PCDHGB2: variants seen among roughly 807,000 people sequenced by gnomAD.
PCDHGB2 encodes protocadherin gamma-B2.
PCDHGB2 carries 55 observed loss-of-function variants against 59.3 expected under a neutral mutation model. The ratio of observed to expected loss-of-function variants is 0.93; its 90% confidence interval spans 0.75 to 1.16. The LOEUF (loss-of-function observed/expected upper bound fraction) is 1.16. PCDHGB2 is among the 50% of genes most tolerant of loss of function. The probability of loss-of-function intolerance (pLI) is 0.00; values close to 1 mark genes in which losing one functional copy is unlikely to be tolerated. For missense variants in PCDHGB2, 1,228 were observed against 1,198.5 expected (o/e 1.02, Z -0.36); for synonymous variants, 516 against 512.0 (o/e 1.01, Z -0.11).
At chr5:141,395,140 C>T in intron 1 of PCDHGB2, 1 of 1,614,212 alleles carries the variant, frequency 6.2e-7, no homozygotes, top group Non-Finnish European at 8.5e-7. Flanking sequence ...CCCAACTACG[C>T]AGACATGCTC....
In PCDHGB2 at chr5:141,432,038, C is replaced by T. The variant is rs202246871; in HGVS notation, c.2422-62769C>T. ...CAACATCACAGTGACCGCCACTGAC[C>T]GGGGAACCCCGCCCCTATCCACGGA... On this transcript the variant is annotated intron_variant, in intron 1 of 3. Coordinates refer to ENST00000522605, the MANE Select transcript of PCDHGB2 (RefSeq NM_018923.3). The surrounding 1 kb of genome is among the most constrained non-coding windows in gnomAD (Gnocchi z 6.0). 15 of 1,614,190 alleles carry T rather than the reference C, an allele frequency of 9.3e-6. No individual in the cohort carries two copies. The African/African-American group carries it at 1.5e-4, about 16-fold the overall frequency.
Position 141,485,072 on chromosome 5 carries a change from G to C in PCDHGB2, c.2422-9735G>C. 1.1e-6 allele frequency: 1 copy of C among 917,012 alleles called. No individual in the cohort carries two copies. The highest frequency in any genetic ancestry group is 1.7e-6 in the Non-Finnish European group (1 of 587,880). 56.8% of individuals were successfully genotyped at this position (917,012 alleles called of 1,614,324 possible). On this transcript the variant is annotated intron_variant, in intron 1 of 3. Coordinates refer to ENST00000522605, the MANE Select transcript of PCDHGB2 (RefSeq NM_018923.3). The surrounding 1 kb of genome is among the most constrained non-coding windows in gnomAD (Gnocchi z 5.7). ...CCGGCCGAACCGCGCCAGAGCTGGCGCGGGGAAAGGGAGATAGGTGTCTCC... is the reference window on the plus strand; with the variant it reads ...CCGGCCGAACCGCGCCAGAGCTGGCCCGGGGAAAGGGAGATAGGTGTCTCC...
At chr5:141,428,333 T>A in intron 1 of PCDHGB2, 1 of 618,518 alleles carries the variant, frequency 1.6e-6, no homozygotes, top group Non-Finnish European at 2.9e-6. Context: ...ATTTCTATGC[T>A]CTTCTTCCTC....
chr5:141,389,449 A>T lies in PCDHGB2; in HGVS notation c.2421+26893A>T, dbSNP rs771507101. The stretch of plus-strand genomic sequence containing the variant: ...GCGCAGCGCGCCTTCGACCACGAGC[A>T]GCTGCGCGCCTTCGAACTCACACTG... On this transcript the variant is annotated intron_variant, in intron 1 of 3. Coordinates refer to ENST00000522605, the MANE Select transcript of PCDHGB2 (RefSeq NM_018923.3). 17 of 1,610,420 alleles carry T rather than the reference A, an allele frequency of 1.1e-5. No individual in the cohort carries two copies. In the African/African-American group the frequency reaches 2.3e-4, roughly 22 times the overall value.
At chr5:141,423,660 G>A (rs765304048) in intron 1 of PCDHGB2, 1 of 1,560,482 alleles carries the variant, frequency 6.4e-7, no homozygotes, top group Admixed American at 1.9e-5. Flanking sequence ...CAAGTAATCA[G>A]GTGAGATTTA....
At chr5:141,406,682 ATTC>A (rs1390945950) in intron 1 of PCDHGB2, among the ~76,000 whole-genome samples, 1 of 152,216 alleles carries the variant, frequency 6.6e-6, no homozygotes, top group Non-Finnish European at 1.5e-5. Flanking sequence ...ATAGTAGGAC[ATTC>A]TTCTTTTCTA....
intron 1 of PCDHGB2, among the ~76,000 whole-genome samples, chr5:141,462,783 T>C (rs1313584666): frequency 6.6e-6 from 1 of 152,236 alleles, no homozygotes; most frequent in Non-Finnish European, 1.5e-5. Flanking sequence ...CATAATTTGT[T>C]GCTTATTTGC....
chr5:141,405,758 G>A (rs533667979), intron 1 of PCDHGB2, among the ~76,000 whole-genome samples: 8 of 152,246 alleles, frequency 5.3e-5, no homozygotes, highest in South Asian at 2.1e-4. Context: ...GATTACAGGC[G>A]TGAGCCACTG....
chr5:141,485,714 G>C lies in PCDHGB2; in HGVS notation c.2422-9093G>C, dbSNP rs896709540. 6.2e-7 allele frequency: 1 copy of C among 1,614,064 alleles called. No homozygotes were observed. Among genetic ancestry groups the C allele is most frequent in the Non-Finnish European group, 8.5e-7 (1 of 1,180,050 alleles). On this transcript the variant is annotated intron_variant, in intron 1 of 3. Coordinates refer to ENST00000522605, the MANE Select transcript of PCDHGB2 (RefSeq NM_018923.3). The surrounding 1 kb of genome is among the most constrained non-coding windows in gnomAD (Gnocchi z 5.7). The stretch of plus-strand genomic sequence containing the variant: ...GAGCTCCAATGAACACTTTGCACTG[G>C]ATGTGAAGAAGCGCAGCGACGGCAG...
At chr5:141,407,767 G>T (rs1458257073) in intron 1 of PCDHGB2, among the ~76,000 whole-genome samples, 1 of 152,140 alleles carries the variant, frequency 6.6e-6, no homozygotes, top group Non-Finnish European at 1.5e-5. Context: ...GTTTGAAATT[G>T]TGCATAATAG....
chr5:141,405,320 C>G, intron 1 of PCDHGB2: 1 of 1,614,188 alleles, frequency 6.2e-7, no homozygotes, highest in Non-Finnish European at 8.5e-7. Context: ...GAAAAATGAG[C>G]CTTTGTGCGT....
intron 1 of PCDHGB2, among the ~76,000 whole-genome samples, chr5:141,379,866 T>A (rs1199183265): frequency 1.3e-5 from 2 of 149,428 alleles, no homozygotes; most frequent in Non-Finnish European, 3.0e-5. Context: ...GTCTTATTCT[T>A]ATTTTATGGT....
chr5:141,371,874 A>G, intron 1 of PCDHGB2: 2 of 1,613,474 alleles, frequency 1.2e-6, no homozygotes, highest in Non-Finnish European at 1.7e-6. Flanking sequence ...CATCGTGGCC[A>G]GTGACCTGGA....
At chr5:141,467,941 G>A (rs1173095290) in intron 1 of PCDHGB2, among the ~76,000 whole-genome samples, 4 of 151,984 alleles carry the variant, frequency 2.6e-5, no homozygotes, top group Admixed American at 2.6e-4. Context: ...TTACAAGCAT[G>A]AGCCACCACA....
intron 3 of PCDHGB2, 126 bp downstream of exon 3, chr5:141,505,607 T>A: frequency 6.5e-7 from 1 of 1,528,684 alleles, no homozygotes. Flanking sequence ...TCGGCAGGTC[T>A]GAAAGGACCC....
At chr5:141,410,060 G>C in intron 1 of PCDHGB2, 1 of 1,613,108 alleles carries the variant, frequency 6.2e-7, no homozygotes, top group Non-Finnish European at 8.5e-7. Flanking sequence ...CTTCAGCCTG[G>C]GGCTGCGCAC....
At chr5:141,419,744 G>A (rs760207269) in intron 1 of PCDHGB2, 28 of 1,613,778 alleles carry the variant, frequency 1.7e-5, no homozygotes, top group East Asian at 2.2e-5. Context: ...GGTGCGCATG[G>A]TGCGTGCTTT....
chr5:141,394,228 T>C lies in PCDHGB2; in HGVS notation c.2421+31672T>C, dbSNP rs1236057008. On this transcript the variant is annotated intron_variant, in intron 1 of 3. Transcript: ENST00000522605. ...AACAACCTGAGAGGAGCCTCCATCT[T>C]TTCCTTGACTGCACACGACCCCGAC... is the stretch of plus-strand genomic sequence containing the variant. 3.7e-6 allele frequency: 6 copies of C among 1,613,886 alleles called. No individual in the cohort carries two copies. The South Asian group carries it at 4.4e-5, about 12-fold the overall frequency.
At chr5:141,374,976 C>T (rs774690686) in intron 1 of PCDHGB2, 1 of 1,614,016 alleles carries the variant, frequency 6.2e-7, no homozygotes, top group South Asian at 1.1e-5. Context: ...AATGTTTTGA[C>T]TGGAGAAATT....
Sources: allele counts gnomAD v4.1 joint callset (sites outside exome capture counted in the v4.1 genomes callset), GRCh38; gene constraint gnomAD v4.1.1; non-coding constraint Gnocchi (gnomAD v3.1); transcripts MANE v1.5; gene names NCBI Gene and HGNC (gene_info 2026-07-23, HGNC 2026-07-21).